The following FBXL7 variants were observed in gnomAD, a reference collection of about 807,000 sequenced individuals.
FBXL7 encodes F-box/LRR-repeat protein 7.
A neutral mutation model predicts 38.3 loss-of-function variants in FBXL7; 12 were observed. The observed-to-expected ratio is 0.31, with a 90% CI of 0.20 to 0.51. The LOEUF (loss-of-function observed/expected upper bound fraction) is 0.51. FBXL7 is among the 20% of genes least tolerant of loss of function. The pLI is 0.98. For missense variants in FBXL7, 567 were observed against 676.4 expected (o/e 0.84, Z 1.79); for synonymous variants, 297 against 300.9 (o/e 0.99, Z 0.13).
intron 2 of FBXL7, among the ~76,000 whole-genome samples, chr5:15,861,251 A>C (rs988430561): frequency 1.3e-5 from 2 of 152,322 alleles, no homozygotes; most frequent in Admixed American, 1.3e-4. Flanking sequence ...CACAGACCAC[A>C]TATGCAAGGA....
At chr5:15,873,872 T>C (rs1453503716) in intron 2 of FBXL7, among the ~76,000 whole-genome samples, 3 of 152,162 alleles carry the variant, frequency 2.0e-5, no homozygotes, top group Non-Finnish European at 4.4e-5. Flanking sequence ...TCTGAAACTA[T>C]TCCAAACGAT....
intron 2 of FBXL7, among the ~76,000 whole-genome samples, chr5:15,898,279 T>A (rs1036567853): frequency 2.0e-5 from 3 of 152,124 alleles, no homozygotes; most frequent in African/African-American, 7.2e-5. Context: ...GGGACGAAAA[T>A]GTCTGAGCCT....
At chr5:15,854,520 C>G (rs1011812368) in intron 2 of FBXL7, among the ~76,000 whole-genome samples, 1 of 152,156 alleles carries the variant, frequency 6.6e-6, no homozygotes, top group Non-Finnish European at 1.5e-5. Context: ...GATGGGAGAT[C>G]TGGGTTCCAG....
chr5:15,864,647 G>A (rs963233651), intron 2 of FBXL7, among the ~76,000 whole-genome samples: 1 of 152,088 alleles, frequency 6.6e-6, no homozygotes, highest in Admixed American at 6.6e-5. Context: ...GGCAGAAATC[G>A]CTTAACACAA....
chr5:15,512,552 C>T (rs1168732248), intron 1 of FBXL7, among the ~76,000 whole-genome samples: 1 of 152,114 alleles, frequency 6.6e-6, no homozygotes, highest in East Asian at 1.9e-4. Context: ...GACATTTTAC[C>T]CTCGTAAAAA....
At chr5:15,828,959 G>A (rs1402195710) in intron 2 of FBXL7, among the ~76,000 whole-genome samples, 1 of 152,106 alleles carries the variant, frequency 6.6e-6, no homozygotes, top group African/African-American at 2.4e-5. Context: ...TGGCCTTTAG[G>A]CTATTGGCAT....
At chr5:15,506,671 G>T (rs545233499) in intron 1 of FBXL7, among the ~76,000 whole-genome samples, 2 of 152,018 alleles carry the variant, frequency 1.3e-5, no homozygotes, top group African/African-American at 2.4e-5. Context: ...CTGAGTTGCA[G>T]ATTGCTGTCT....
chr5:15,501,581 A>G (rs1462702282), intron 1 of FBXL7: 2 of 985,404 alleles, frequency 2.0e-6, no homozygotes, highest in African/African-American at 3.5e-5. Flanking sequence ...GGTCAGTTTT[A>G]CAGCCCGCCC....
At chr5:15,674,620 G>T (rs1411052363) in intron 2 of FBXL7, among the ~76,000 whole-genome samples, 5 of 152,022 alleles carry the variant, frequency 3.3e-5, no homozygotes, top group African/African-American at 1.2e-4. Flanking sequence ...TTTGGGTTAG[G>T]AGTTTTTGGT....
At chr5:15,604,076 C>G (rs1018642993) in intron 1 of FBXL7, among the ~76,000 whole-genome samples, 8 of 152,098 alleles carry the variant, frequency 5.3e-5, no homozygotes, top group African/African-American at 1.9e-4. Context: ...GCAGAGGTTG[C>G]AGTAAGCTGA....
intron 2 of FBXL7, among the ~76,000 whole-genome samples, chr5:15,718,379 C>T (rs566195045): frequency 1.6e-4 from 24 of 152,244 alleles, no homozygotes; most frequent in African/African-American, 5.5e-4. Flanking sequence ...TTCAGCTAAA[C>T]AGAAGTGGAG....
intron 1 of FBXL7, among the ~76,000 whole-genome samples, chr5:15,551,453 A>G (rs1016100789): frequency 1.3e-5 from 2 of 152,174 alleles, no homozygotes; most frequent in Admixed American, 6.5e-5. Context: ...TGTATTTATT[A>G]TGTGGGATAT....
At chr5:15,786,092 TA>T (rs2126726136) in intron 2 of FBXL7, among the ~76,000 whole-genome samples, 1 of 152,346 alleles carries the variant, frequency 6.6e-6, no homozygotes, top group South Asian at 2.1e-4. Flanking sequence ...CCTAATTTTC[TA>T]AATCATTTTT....
intron 2 of FBXL7, among the ~76,000 whole-genome samples, chr5:15,755,667 C>T (rs1180618795): frequency 6.6e-6 from 1 of 152,174 alleles, no homozygotes. Context: ...TAGAAATATC[C>T]TTGGCTTCTT....
At chr5:15,736,724 C>A (rs903262739) in intron 2 of FBXL7, among the ~76,000 whole-genome samples, 1 of 152,110 alleles carries the variant, frequency 6.6e-6, no homozygotes, top group African/African-American at 2.4e-5. Flanking sequence ...TGTCTTCCTC[C>A]AATTTAAAAG....
intron 1 of FBXL7, among the ~76,000 whole-genome samples, chr5:15,613,076 A>T: frequency 6.6e-6 from 1 of 152,208 alleles, no homozygotes; most frequent in East Asian, 1.9e-4. Flanking sequence ...ATCTCTAAGC[A>T]ACAATATAAT....
chr5:15,932,040 T>C (rs997833537), intron 3 of FBXL7, among the ~76,000 whole-genome samples: 1 of 152,328 alleles, frequency 6.6e-6, no homozygotes, highest in East Asian at 1.9e-4. Flanking sequence ...ATATTTCATT[T>C]TTGCACTTTT....
Position 15,939,007 on chromosome 5 carries a change from A to G in FBXL7, c.*1821A>G. On this transcript the variant is annotated 3_prime_UTR_variant, in exon 4 of 4. Transcript: ENST00000504595. ...CCAAGCCAGTTATGCTGAATTTGTC[A>G]AACTTAGACACCCTTGACAACTGCA... 7.5e-6 allele frequency: 3 copies of G among 399,048 alleles called. No individual in the cohort carries two copies. Among genetic ancestry groups the G allele is most frequent in the Middle Eastern group, 6.3e-4 (1 of 1,588 alleles). The allele number at this position is 399,048 out of a possible 1,614,324, so 24.7% of individuals were successfully genotyped here. A position where few individuals can be genotyped will look rare whatever the true frequency, so the allele number is the denominator to read the frequency against.
intron 1 of FBXL7, among the ~76,000 whole-genome samples, chr5:15,601,818 G>C (rs1739803344): frequency 6.6e-6 from 1 of 152,158 alleles, no homozygotes; most frequent in Non-Finnish European, 1.5e-5. Context: ...GTATCTGCTG[G>C]GTTGGAGAAT....
Sources: allele counts gnomAD v4.1 joint callset (sites outside exome capture counted in the v4.1 genomes callset), GRCh38; gene constraint gnomAD v4.1.1; transcripts MANE v1.5; gene names NCBI Gene and HGNC (gene_info 2026-07-23, HGNC 2026-07-21).